The following UBE2U variants were observed in gnomAD, a reference collection of about 807,000 sequenced individuals.
The protein encoded by UBE2U is ubiquitin conjugating enzyme E2 U.
In UBE2U, 39 loss-of-function variants were observed where a neutral mutation model predicts 41.2. The ratio of observed to expected loss-of-function variants is 0.95; its 90% CI spans 0.73 to 1.24. The LOEUF is 1.24. UBE2U is among the 50% of genes most tolerant of loss of function. The probability of loss-of-function intolerance (pLI) is 0.00; values close to 1 mark genes in which losing one functional copy is unlikely to be tolerated. For missense variants in UBE2U, 336 were observed against 363.1 expected, an observed-to-expected ratio of 0.93 and a Z score of 0.61; for synonymous variants, 107 against 117.8, an observed-to-expected ratio of 0.91 and a Z score of 0.60.
chr1:64,212,505 T>C (rs945228436), intron 4 of UBE2U, among the ~76,000 whole-genome samples: 1 of 152,208 alleles, frequency 6.6e-6, no homozygotes, highest in Non-Finnish European at 1.5e-5. Context: ...ATGGGGCTGT[T>C]GTTACCTCAT....
intron 2 of UBE2U, among the ~76,000 whole-genome samples, chr1:64,206,147 A>G (rs949299990): frequency 6.6e-6 from 1 of 152,220 alleles, no homozygotes. Context: ...AAAAATCTCA[A>G]GAACACTAAG....
At chr1:64,256,678 C>G (rs1206989985) in intron 8 of UBE2U, among the ~76,000 whole-genome samples, 1 of 152,076 alleles carries the variant, frequency 6.6e-6, no homozygotes, top group Non-Finnish European at 1.5e-5. Context: ...AGATGAAAAT[C>G]TAGGCAATAC....
chr1:64,244,981 T>C (rs1275812536), intron 8 of UBE2U, among the ~76,000 whole-genome samples: 3 of 152,212 alleles, frequency 2.0e-5, no homozygotes, highest in Non-Finnish European at 2.9e-5. Flanking sequence ...TTCATTCTAA[T>C]GTAAAGATTT....
chr1:64,205,561 G>A, intron 1 of UBE2U, 78 bp from the exon 2 acceptor site: 1 of 1,152,470 alleles, frequency 8.7e-7, no homozygotes, highest in Non-Finnish European at 1.3e-6. Context: ...AATTCAGTGT[G>A]ACCTGGTATA....
At chr1:64,248,294 CTCTG>C (rs1644953851) in intron 8 of UBE2U, among the ~76,000 whole-genome samples, 1 of 152,116 alleles carries the variant, frequency 6.6e-6, no homozygotes, top group Non-Finnish European at 1.5e-5. Context: ...TGCTCAGGTT[CTCTG>C]TCTGAGCAGG....
Position 64,239,062 on chromosome 1 carries a change from A to AAGAGGAAGAG in UBE2U, c.596-2590_596-2589insAGAGGAAGAG, listed in dbSNP as rs1644728486. Among the ~76,000 whole-genome samples the AAGAGGAAGAG allele has an allele frequency of 3.1e-4, 22 of 71,276 alleles. 2 individuals are homozygous for AAGAGGAAGAG. The highest frequency in any genetic ancestry group is 8.9e-4 in the African/African-American group (20 of 22,490). 46.8% of individuals were successfully genotyped at this position (71,276 alleles called of 152,430 possible). On this transcript the variant is annotated intron_variant, in intron 7 of 9. Transcript: ENST00000371077. Reference sequence around the variant, plus strand: ...CATCTCAAAAAGAAGAAGAAGAAGAAGAAGAGGAAGAGGAAGAGGAAGAGG... The same window carrying AAGAGGAAGAG: ...CATCTCAAAAAGAAGAAGAAGAAGAAAGAGGAAGAGGAAGAGGAAGAGGAAGAGGAAGAGG...
At chr1:64,250,471 A>C (rs1644988341) in intron 8 of UBE2U, among the ~76,000 whole-genome samples, 1 of 152,208 alleles carries the variant, frequency 6.6e-6, no homozygotes, top group African/African-American at 2.4e-5. Context: ...TTACAGGGTC[A>C]GCATTACCTC....
chr1:64,229,239 C>T (rs990119594), intron 6 of UBE2U, among the ~76,000 whole-genome samples: 6 of 151,996 alleles, frequency 3.9e-5, no homozygotes, highest in African/African-American at 1.5e-4. Context: ...AGGTGATCCT[C>T]TCGCCTCAGT....
intron 7 of UBE2U, among the ~76,000 whole-genome samples, chr1:64,241,120 A>G (rs1447301900): frequency 6.6e-6 from 1 of 152,216 alleles, no homozygotes; most frequent in Non-Finnish European, 1.5e-5. Flanking sequence ...ATTGGTTAAC[A>G]TAAGGCACTT....
chr1:64,262,692 A>G (rs758541369), intron 9 of UBE2U, among the ~76,000 whole-genome samples: 2 of 152,314 alleles, frequency 1.3e-5, no homozygotes, highest in East Asian at 1.9e-4. Flanking sequence ...GTGATGTAAC[A>G]TAATCATGTG....
intron 6 of UBE2U, among the ~76,000 whole-genome samples, chr1:64,224,935 TCACA>T (rs34259884): frequency 0.25 from 37,021 of 146,696 alleles, 4,557 homozygotes; most frequent in Middle Eastern, 0.37. Flanking sequence ...TAGGATATTA[TCACA>T]CACACACACA....
chr1:64,245,675 C>A (rs1336684985), intron 8 of UBE2U, among the ~76,000 whole-genome samples: 1 of 152,086 alleles, frequency 6.6e-6, no homozygotes, highest in Non-Finnish European at 1.5e-5. Context: ...GTAAGTGTAA[C>A]CCACAATAAT....
rs201395726 is a variant in UBE2U at position 64,219,734 on chromosome 1, T to TAC, written c.458-1123_458-1122dup. 1.0e-2 allele frequency among the ~76,000 whole-genome samples: 1,516 copies of TAC among 152,186 alleles called. 5 individuals are homozygous for TAC. The highest frequency in any genetic ancestry group is 0.031 in the Middle Eastern group (9 of 294). ...CCTCAGCCTCCCAAGTAGCTGGGAC[T>TAC]ACAGGCGCCCGCCACCACACCTGGC... is the stretch of plus-strand genomic sequence containing the variant. On this transcript the variant is annotated intron_variant, in intron 5 of 9. Coordinates refer to ENST00000371077, the MANE Select transcript of UBE2U (RefSeq NM_001366232.2).
chr1:64,206,728 G>C, intron 2 of UBE2U, 36 bp from the exon 3 acceptor site: 2 of 1,260,194 alleles, frequency 1.6e-6, no homozygotes, highest in Non-Finnish European at 2.3e-6. Context: ...CAATAAACAT[G>C]ACACTTTAGT....
At position 64,242,552 on chromosome 1, in the gene UBE2U, G is replaced by A. The variant is rs1357559851; in HGVS notation, c.677+819G>A. ...AATACACGATGAATAAAGATAACGT[G>A]CTGTATTTTGAATTTCTGAAGCAAC... On this transcript the variant is annotated intron_variant, in intron 8 of 9. Coordinates refer to ENST00000371077, the MANE Select transcript of UBE2U (RefSeq NM_001366232.2). 2.0e-5 allele frequency among the ~76,000 whole-genome samples: 3 copies of A among 152,124 alleles called. No homozygotes were observed. In the East Asian group the frequency reaches 5.8e-4, roughly 29 times the overall value.
At chr1:64,219,994 A>AT (rs1164809270) in intron 5 of UBE2U, among the ~76,000 whole-genome samples, 1 of 151,294 alleles carries the variant, frequency 6.6e-6, no homozygotes, top group Non-Finnish European at 1.5e-5. Context: ...TCTGTTTCCT[A>AT]TTTTTCTCTT....
In UBE2U at chr1:64,267,016, C is replaced by G; in HGVS notation, c.770-8C>G. ...TTAAATTTCTATTTTTTATAATTCC[C>G]ACCACAGATGAAATTTTTCTTGAGT... On this transcript the variant is annotated splice_polypyrimidine_tract_variant and splice_region_variant and intron_variant, in intron 9 of 9. Transcript: ENST00000371077. The G allele has an allele frequency of 6.5e-7, 1 of 1,543,624 alleles. No homozygotes were observed. The highest frequency in any genetic ancestry group is 2.0e-5 in the Admixed American group (1 of 49,794).
chr1:64,264,886 G>A (rs1042248287), intron 9 of UBE2U, among the ~76,000 whole-genome samples: 1 of 152,092 alleles, frequency 6.6e-6, no homozygotes, highest in African/African-American at 2.4e-5. Context: ...GGAGGCAGAG[G>A]TTGCAGTGAG....
chr1:64,218,802 G>T (rs573172255), intron 5 of UBE2U, among the ~76,000 whole-genome samples: 1 of 152,176 alleles, frequency 6.6e-6, no homozygotes, highest in South Asian at 2.1e-4. Flanking sequence ...TTGTACAAAA[G>T]GTCTGATTTT....
Sources: allele counts gnomAD v4.1 joint callset (sites outside exome capture counted in the v4.1 genomes callset), GRCh38; gene constraint gnomAD v4.1.1; transcripts MANE v1.5; gene names NCBI Gene and HGNC (gene_info 2026-07-23, HGNC 2026-07-21).